ZNF525: variants seen among roughly 807,000 people sequenced by gnomAD.
ZNF525 encodes the protein zinc finger protein 525.
In ZNF525, 33 loss-of-function variants were observed where a neutral mutation model predicts 37.6. That is an observed-to-expected ratio of 0.88 (90% CI 0.67 to 1.17). The LOEUF (loss-of-function observed/expected upper bound fraction) is 1.17, where lower values mean the gene tolerates loss of function less well. Among genes scored for constraint, ZNF525 ranks in the 50% most tolerant of loss-of-function variants. The pLI, the probability that ZNF525 is intolerant of heterozygous loss-of-function variation, is 0.00. For synonymous variants in ZNF525, 170 were observed against 182.3 expected, an observed-to-expected ratio of 0.93 and a Z score of 0.54; for missense variants, 449 against 543.1, an observed-to-expected ratio of 0.83 and a Z score of 1.72.
In ZNF525 at chr19:53,381,207, A is replaced by C; in HGVS notation, c.628A>C (p.Met210Leu). 1 of 1,343,302 alleles carries C rather than the reference A, an allele frequency of 7.4e-7. No individual in the cohort carries two copies. The highest frequency in any genetic ancestry group is 1.7e-5 in the Admixed American group (1 of 59,698). The allele number at this position is 1,343,302 out of a possible 1,614,324, so 83.2% of individuals were successfully genotyped here. A position where few individuals can be genotyped will look rare whatever the true frequency, so the allele number is the denominator to read the frequency against. The stretch of plus-strand genomic sequence containing the variant: ...ACTCACACAAAGACAGGAAGTACGC[A>C]TGAGAGAAAAATCTTTCCAATGTAT... ...SLLTQRQEVR[M>L]REKSFQCIES... The change falls in exon 4 of 4, where the codon ATG becomes CTG. Residue 210 changes from methionine to leucine, a missense_variant. By Grantham distance (15) the Met-to-Leu change is conservative. Around this residue, in one of 2 missense-constraint regions of ZNF525, gnomAD observed 271 missense variants for 381.6 expected, o/e 0.71. Transcript: ENST00000474037.
intron 1 of ZNF525, among the ~76,000 whole-genome samples, chr19:53,367,006 G>A (rs921110904): frequency 2.0e-5 from 3 of 152,168 alleles, no homozygotes; most frequent in Admixed American, 6.5e-5. Context: ...CAGAAGCAGA[G>A]TAGAAGCAGT....
rs34940021 is a variant in ZNF525, at chr19:53,383,315, C to CCTTAT, written c.*1296_*1297insCTTAT. The CCTTAT allele has an allele frequency of 2.1e-6, 3 of 1,414,226 alleles. No homozygotes were observed. Among genetic ancestry groups the CCTTAT allele is most frequent in the African/African-American group, 2.9e-5 (2 of 69,532 alleles). The allele number at this position is 1,414,226 out of a possible 1,614,324, so 87.6% of individuals were successfully genotyped here. A position where few individuals can be genotyped will look rare whatever the true frequency, so the allele number is the denominator to read the frequency against. On this transcript the variant is annotated 3_prime_UTR_variant, in exon 4 of 4. Coordinates refer to ENST00000474037, the MANE Select transcript of ZNF525 (RefSeq NM_001348156.2). ...TAAAACAATTCATACTGGAGAGAAA[C>CCTTAT]AAGCGTAATGAATGTGGCGAGGTTT...
intron 3 of ZNF525, among the ~76,000 whole-genome samples, chr19:53,380,389 G>A (rs2085550949): frequency 6.6e-6 from 1 of 152,040 alleles, no homozygotes; most frequent in African/African-American, 2.4e-5. Context: ...TGGTCCTTTA[G>A]TATTTATTTG....
At position 53,379,027 on chromosome 19, in the gene ZNF525, A is replaced by G. The variant is rs186281066; in HGVS notation, c.143-1695A>G. On this transcript the variant is annotated intron_variant, in intron 3 of 3. Coordinates refer to ENST00000474037, the MANE Select transcript of ZNF525 (RefSeq NM_001348156.2). ...GTGAACTAGATACATAGGGCAATGT[A>G]TATATATATATAGAATTGCTGTATT... is the stretch of plus-strand genomic sequence containing the variant. Among the ~76,000 whole-genome samples, 642 of 151,434 alleles carry G rather than the reference A, an allele frequency of 4.2e-3. 3 individuals carry two copies. The highest frequency in any genetic ancestry group is 0.015 in the African/African-American group (601 of 41,434).
Position 53,369,715 on chromosome 19 carries a change from C to CTTT in ZNF525, c.-67-2473_-67-2471dup, listed in dbSNP as rs57431960. On this transcript the variant is annotated intron_variant, in intron 1 of 3. Coordinates refer to ENST00000474037, the MANE Select transcript of ZNF525 (RefSeq NM_001348156.2). ...CAACAGAACCTTGCAAAAGAAGTTT[C>CTTT]TTTTTTTTTTTTTTTTTTTTTTTTT... 8.4e-4 allele frequency among the ~76,000 whole-genome samples: 68 copies of CTTT among 81,194 alleles called. 2 individuals are homozygous for CTTT. The highest frequency in any genetic ancestry group is 1.2e-3 in the Non-Finnish European group (52 of 45,076). The allele number at this position is 81,194 out of a possible 152,430, so 53.3% of individuals were successfully genotyped here.
At chr19:53,373,679 AGGCATGGT>A (rs2085502943) in intron 2 of ZNF525, among the ~76,000 whole-genome samples, 1 of 151,828 alleles carries the variant, frequency 6.6e-6, no homozygotes, top group African/African-American at 2.4e-5. Context: ...AAAATTAACC[AGGCATGGT>A]GGCGCATGCC....
In ZNF525 at chr19:53,381,395, G is replaced by A; in HGVS notation, c.816G>A (p.Lys272=). ...RRCHTGEKPY[K]CNECGKSFSQ... ...GTCACACTGGTGAGAAACCTTACAA[G>A]TGTAATGAGTGTGGCAAGTCCTTCA... Residue 272 remains lysine, a synonymous_variant, in exon 4 of 4, where the codon AAG becomes AAA. Transcript: ENST00000474037. 6.3e-7 allele frequency: 1 copy of A among 1,596,136 alleles called. No individual in the cohort carries two copies. The highest frequency in any genetic ancestry group is 8.6e-7 in the Non-Finnish European group (1 of 1,163,694).
Position 53,382,957 on chromosome 19 carries a change from G to T in ZNF525, c.*938G>T. On this transcript the variant is annotated 3_prime_UTR_variant, in exon 4 of 4. Coordinates refer to ENST00000474037, the MANE Select transcript of ZNF525 (RefSeq NM_001348156.2). Reference sequence around the variant, plus strand: ...AAAATTCGGCCCTTGTAATTCATAAGGCAATTCATACTGGAGAGAAACCTT... The same window carrying T: ...AAAATTCGGCCCTTGTAATTCATAATGCAATTCATACTGGAGAGAAACCTT... 6.6e-7 allele frequency: 1 copy of T among 1,514,818 alleles called. No homozygotes were observed. The allele number at this position is 1,514,818 out of a possible 1,614,324, so 93.8% of individuals were successfully genotyped here.
At chr19:53,370,373 C>T (rs1469490003) in intron 1 of ZNF525, among the ~76,000 whole-genome samples, 3 of 147,616 alleles carry the variant, frequency 2.0e-5, no homozygotes, top group African/African-American at 7.5e-5. Context: ...GAGATCCTGC[C>T]ACTGCTCTCC....
intron 1 of ZNF525, among the ~76,000 whole-genome samples, chr19:53,371,804 T>C (rs1216031307): frequency 6.6e-6 from 1 of 152,140 alleles, no homozygotes; most frequent in Non-Finnish European, 1.5e-5. Flanking sequence ...TGCACCGCTA[T>C]GCCTGGCTAA....
chr19:53,376,349 C>T, intron 3 of ZNF525: 1 of 702,398 alleles, frequency 1.4e-6, no homozygotes, highest in South Asian at 1.5e-5. Flanking sequence ...TCAGTCTTTG[C>T]CTTCTGAGTG....
chr19:53,373,090 A>T (rs866997348), intron 2 of ZNF525, among the ~76,000 whole-genome samples: 6 of 151,932 alleles, frequency 3.9e-5, no homozygotes, highest in African/African-American at 7.3e-5. Flanking sequence ...TGATATTCTG[A>T]TAATATTATT....
chr19:53,366,804 T>G (rs2085450600), intron 1 of ZNF525, among the ~76,000 whole-genome samples: 2 of 141,126 alleles, frequency 1.4e-5, no homozygotes, highest in African/African-American at 5.5e-5. Flanking sequence ...GGACAGGGGG[T>G]ATAACAGAGA....
intron 3 of ZNF525, 112 bp downstream of exon 3, chr19:53,376,008 T>G (rs991321036): frequency 2.2e-5 from 35 of 1,581,812 alleles, no homozygotes; most frequent in Admixed American, 8.9e-5. Context: ...GGTGCAATGG[T>G]GTGATCATGG....
At chr19:53,376,357 G>C (rs1250240587) in intron 3 of ZNF525, 1 of 701,258 alleles carries the variant, frequency 1.4e-6, no homozygotes, top group East Asian at 2.7e-5. Context: ...TGCCTTCTGA[G>C]TGCAGAGTTA....
chr19:53,374,807 G>A (rs983743397), intron 2 of ZNF525, among the ~76,000 whole-genome samples: 9 of 151,964 alleles, frequency 5.9e-5, no homozygotes, highest in African/African-American at 2.2e-4. Flanking sequence ...AGTCTGTGTA[G>A]GTCTCATTAT....
At position 53,384,221 on chromosome 19, in the gene ZNF525, C is replaced by T. The variant is rs751032236; in HGVS notation, c.*2202C>T. 42 of 276,614 alleles carry T rather than the reference C, an allele frequency of 1.5e-4. No homozygotes were observed. Among genetic ancestry groups the T allele is most frequent in the Non-Finnish European group, 2.6e-4 (36 of 138,036 alleles). 17.1% of individuals were successfully genotyped at this position (276,614 alleles called of 1,614,324 possible). On this transcript the variant is annotated 3_prime_UTR_variant, in exon 4 of 4. Transcript: ENST00000474037. The stretch of plus-strand genomic sequence containing the variant: ...GGACTGGGCTGTGTGGCATGGCTCA[C>T]GCCTGTAATCCCAGCACTTTGGTAG...
In ZNF525 at chr19:53,381,794, T is replaced by C. The variant is rs771628051; in HGVS notation, c.1215T>C (p.His405=). The change falls in exon 4 of 4, where the codon CAT becomes CAC. Residue 405 remains histidine (H), a synonymous_variant. Transcript: ENST00000474037. ...CCCTTACATGCCATCGTAGACTTCA[T>C]ACTGGAGAGAAACCTTACAAGTGTG... ...MSTLTCHRRL[H]TGEKPYKCEE... 2 of 1,065,062 alleles carry C rather than the reference T, an allele frequency of 1.9e-6. No individual in the cohort carries two copies. Among genetic ancestry groups the C allele is most frequent in the Non-Finnish European group, 3.0e-6 (2 of 677,956 alleles). 66.0% of individuals were successfully genotyped at this position (1,065,062 alleles called of 1,614,324 possible). A position where few individuals can be genotyped will look rare whatever the true frequency, so the allele number is the denominator to read the frequency against.
Position 53,383,199 on chromosome 19 carries a change from T to C in ZNF525, c.*1180T>C. On this transcript the variant is annotated 3_prime_UTR_variant, in exon 4 of 4. Transcript: ENST00000474037. ...ACCTACTCTCACAATTCAGTCCTTGTAATTCATAAGACAATTCACACTGGG... is the reference window on the plus strand; with the variant it reads ...ACCTACTCTCACAATTCAGTCCTTGCAATTCATAAGACAATTCACACTGGG... The C allele has an allele frequency of 7.2e-7, 1 of 1,395,872 alleles. No homozygotes were observed. Among genetic ancestry groups the C allele is most frequent in the Non-Finnish European group, 9.9e-7 (1 of 1,006,260 alleles). 86.5% of individuals were successfully genotyped at this position (1,395,872 alleles called of 1,614,324 possible).
Sources: allele counts gnomAD v4.1 joint callset (sites outside exome capture counted in the v4.1 genomes callset), GRCh38; gene constraint gnomAD v4.1.1; regional missense constraint gnomAD v4.1.1; transcripts MANE v1.5; gene names NCBI Gene and HGNC (gene_info 2026-07-23, HGNC 2026-07-21).